The following TENM4 variants were observed in gnomAD, a reference collection of about 807,000 sequenced individuals.
TENM4 encodes the protein teneurin transmembrane protein 4.
Under a neutral mutation model 243.3 loss-of-function variants are expected in TENM4, and 82 were observed. That is an observed-to-expected ratio of 0.34 (90% CI 0.28 to 0.40). The LOEUF (loss-of-function observed/expected upper bound fraction) is 0.40, where lower values mean the gene tolerates loss of function less well. Ranked by LOEUF, TENM4 falls within the 10% of genes least tolerant of loss-of-function variation. The pLI, the probability that TENM4 is intolerant of heterozygous loss-of-function variation, is 1.00. For missense variants in TENM4, 3,138 were observed against 3,673.3 expected (o/e 0.85, Z 3.77); for synonymous variants, 1,412 against 1,456.3 (o/e 0.97, Z 0.69).
chr11:79,258,974 T>A (rs1056646169), intron 2 of TENM4, among the ~76,000 whole-genome samples: 26 of 152,314 alleles, frequency 1.7e-4, no homozygotes, highest in African/African-American at 5.1e-4. Context: ...CCAGGGATAG[T>A]TTCTTCATTC....
chr11:79,366,519 A>T (rs1181223815), intron 1 of TENM4, among the ~76,000 whole-genome samples: 1 of 152,230 alleles, frequency 6.6e-6, no homozygotes, highest in East Asian at 1.9e-4. Flanking sequence ...CTGAGGAAGT[A>T]TGATGGGGAC....
intron 5 of TENM4, among the ~76,000 whole-genome samples, chr11:79,065,243 C>T (rs1197900651): frequency 6.6e-6 from 1 of 152,186 alleles, no homozygotes; most frequent in Non-Finnish European, 1.5e-5. Context: ...ATGGCACCTG[C>T]TCTGTGAAGT....
At chr11:79,123,961 T>TTTC (rs540149220) in intron 4 of TENM4, among the ~76,000 whole-genome samples, 2 of 152,194 alleles carry the variant, frequency 1.3e-5, no homozygotes, top group Non-Finnish European at 2.9e-5. Context: ...AAACTTTCTT[T>TTTC]TTCTTCTTCT....
intron 9 of TENM4, among the ~76,000 whole-genome samples, chr11:78,873,569 C>T (rs1359330486): frequency 1.3e-5 from 2 of 152,134 alleles, no homozygotes; most frequent in African/African-American, 4.8e-5. Flanking sequence ...ACCACTATAC[C>T]ACACTGCTTT....
At chr11:79,164,014 A>AG (rs1862828985) in intron 3 of TENM4, among the ~76,000 whole-genome samples, 3 of 69,034 alleles carry the variant, frequency 4.3e-5, no homozygotes, top group African/African-American at 1.6e-4. Context: ...TATATAGTAT[A>AG]TATATAGTAT....
intron 18 of TENM4, among the ~76,000 whole-genome samples, chr11:78,760,002 G>T (rs1856395053): frequency 6.6e-6 from 1 of 152,166 alleles, no homozygotes; most frequent in African/African-American, 2.4e-5. Context: ...GCCTCTTCCA[G>T]CCTCTTGGAC....
At chr11:79,314,399 A>G (rs1856771210) in intron 1 of TENM4, among the ~76,000 whole-genome samples, 1 of 152,224 alleles carries the variant, frequency 6.6e-6, no homozygotes, top group African/African-American at 2.4e-5. Context: ...TGGTGGAGAT[A>G]AATGAATTGA....
intron 4 of TENM4, among the ~76,000 whole-genome samples, chr11:79,117,273 C>T (rs1039231173): frequency 2.0e-4 from 30 of 152,104 alleles, no homozygotes; most frequent in African/African-American, 7.0e-4. Flanking sequence ...ACATAATGGC[C>T]GTGCTAGGAG....
rs1321169431 is a variant in TENM4, at chr11:79,064,719, G to C, written c.493+19C>G. 6.4e-7 allele frequency: 1 copy of C among 1,551,294 alleles called. No individual in the cohort carries two copies. The highest frequency in any genetic ancestry group is 1.7e-4 in the Middle Eastern group (1 of 6,014). ...CCCCACCACCCAGGCACCCGGCACA[G>C]ACCAAACCAGCCACTCACCAGTCTC... On this transcript the variant is annotated intron_variant, in intron 6 of 33. Transcript: ENST00000278550.
At chr11:78,788,802 T>C (rs1856992440) in intron 15 of TENM4, among the ~76,000 whole-genome samples, 1 of 152,218 alleles carries the variant, frequency 6.6e-6, no homozygotes, top group African/African-American at 2.4e-5. Context: ...TCCTCTCTTC[T>C]GGGTGTCAGT....
At chr11:78,884,288 C>G (rs994865935) in intron 9 of TENM4, among the ~76,000 whole-genome samples, 2 of 152,198 alleles carry the variant, frequency 1.3e-5, no homozygotes, top group African/African-American at 4.8e-5. Context: ...CATCATGCGG[C>G]TCCTGGTTCC....
chr11:79,063,393 G>T (rs2136980378), intron 6 of TENM4, among the ~76,000 whole-genome samples: 1 of 152,282 alleles, frequency 6.6e-6, no homozygotes, highest in Admixed American at 6.5e-5. Context: ...CTGGCACCAG[G>T]CTAGGTGCTT....
Position 78,944,436 on chromosome 11 carries a change from T to C in TENM4, c.494-40913A>G, listed in dbSNP as rs58396250. On this transcript the variant is annotated intron_variant, in intron 6 of 33. Transcript: ENST00000278550. ...CCTTATCTGAAGGAGCTGCCTTACTTTGAAACAACAAATTGAAGTTTCTTC... is the reference window on the plus strand; with the variant it reads ...CCTTATCTGAAGGAGCTGCCTTACTCTGAAACAACAAATTGAAGTTTCTTC... Among the ~76,000 whole-genome samples the C allele has an allele frequency of 8.7e-3, 1,321 of 152,322 alleles. 15 individuals carry two copies. The highest frequency in any genetic ancestry group is 0.029 in the African/African-American group (1,226 of 41,564).
intron 4 of TENM4, among the ~76,000 whole-genome samples, chr11:79,075,456 A>T (rs968274570): frequency 3.9e-5 from 6 of 152,224 alleles, no homozygotes. Context: ...GATGTTTTGT[A>T]AACTGTAATG....
intron 3 of TENM4, among the ~76,000 whole-genome samples, chr11:79,174,903 C>T (rs1181214259): frequency 6.6e-6 from 1 of 152,198 alleles, no homozygotes; most frequent in African/African-American, 2.4e-5. Context: ...CCTGCTCATA[C>T]TTTTAAAATA....
chr11:78,733,347 CCCTCCTAGT>C (rs1486339292), intron 20 of TENM4, among the ~76,000 whole-genome samples: 2 of 152,150 alleles, frequency 1.3e-5, no homozygotes, highest in East Asian at 3.9e-4. Flanking sequence ...GAGAAACCTG[CCCTCCTAGT>C]CCTAGTTCTG....
intron 6 of TENM4, among the ~76,000 whole-genome samples, chr11:79,032,635 A>G (rs956055949): frequency 2.6e-5 from 4 of 151,816 alleles, no homozygotes; most frequent in African/African-American, 9.7e-5. Context: ...GCCAGAGCCT[A>G]CTAGAAGGTT....
At chr11:79,159,828 G>C (rs1256143194) in intron 3 of TENM4, among the ~76,000 whole-genome samples, 1 of 152,052 alleles carries the variant, frequency 6.6e-6, no homozygotes, top group Non-Finnish European at 1.5e-5. Context: ...ATTTACAGAT[G>C]CCTTCCACTT....
chr11:79,428,366 A>G (rs1413858885), intron 1 of TENM4, among the ~76,000 whole-genome samples: 2 of 152,236 alleles, frequency 1.3e-5, no homozygotes, highest in Non-Finnish European at 2.9e-5. Context: ...TCACCAAATC[A>G]TGCATAAGTG....
Sources: allele counts gnomAD v4.1 joint callset (sites outside exome capture counted in the v4.1 genomes callset), GRCh38; gene constraint gnomAD v4.1.1; transcripts MANE v1.5; gene names NCBI Gene and HGNC (gene_info 2026-07-23, HGNC 2026-07-21).